The following PDE11A variants were observed in gnomAD, a reference collection of about 807,000 sequenced individuals.
PDE11A encodes the protein phosphodiesterase 11A.
PDE11A carries 100 observed loss-of-function variants against 100.5 expected under a neutral mutation model. The ratio of observed to expected loss-of-function variants is 1.00; its 90% CI spans 0.85 to 1.18. PDE11A has a LOEUF of 1.18. Ranked by LOEUF, PDE11A falls within the 50% of genes most tolerant of loss-of-function variation. The pLI, the probability that PDE11A is intolerant of heterozygous loss-of-function variation, is 0.00. For synonymous variants in PDE11A, 381 were observed against 420.8 expected (o/e 0.91, Z 1.16); for missense variants, 1,141 against 1,152.6 (o/e 0.99, Z 0.15).
Position 178,014,386 on chromosome 2 carries a change from T to G in PDE11A, c.987A>C (p.Arg329=), listed in dbSNP as rs1171111814. Residue 329 remains arginine, a synonymous_variant, in exon 2 of 20, where the codon CGA becomes CGC. Coordinates refer to ENST00000286063, the MANE Select transcript of PDE11A (RefSeq NM_016953.4). ...CACCAATAATCTCACCATCACTGCT[T>G]CGGATAGGCATGCACAATAATGATT... The part of the protein sequence containing the change: ...KTKSLLCMPI[R]SSDGEIIGVA... The G allele has an allele frequency of 1.9e-6, 3 of 1,612,136 alleles. No homozygotes were observed. The Admixed American group carries it at 5.0e-5, about 27-fold the overall frequency.
rs1456646535 is a variant in PDE11A, at chr2:177,631,560, T to C, written c.2647-1998A>G. 1.3e-3 allele frequency among the ~76,000 whole-genome samples: 51 copies of C among 38,466 alleles called. 4 individuals are homozygous for C. Among genetic ancestry groups the C allele is most frequent in the Non-Finnish European group, 1.7e-3 (37 of 21,330 alleles). 25.2% of individuals were successfully genotyped at this position (38,466 alleles called of 152,430 possible). A position where few individuals can be genotyped will look rare whatever the true frequency, so the allele number is the denominator to read the frequency against. On this transcript the variant is annotated intron_variant, in intron 19 of 19. Transcript: ENST00000286063. ...ATATATATATATACACATGTATATA[T>C]ATATATATACATGTATATATATATA...
intron 2 of PDE11A, among the ~76,000 whole-genome samples, chr2:177,913,058 A>G (rs1466860002): frequency 1.3e-5 from 2 of 152,212 alleles, no homozygotes; most frequent in Non-Finnish European, 2.9e-5. Flanking sequence ...TCATAATGTT[A>G]CTAAAAGTCA....
rs180741576 is a variant in PDE11A at position 177,723,588 on chromosome 2, G to A, written c.2043+4070C>T. On this transcript the variant is annotated intron_variant, in intron 12 of 19. Transcript: ENST00000286063. ...AAGAACAAGATTTCAAGCAATAATA[G>A]TTGTTCACCATTTTATAGCTTTTTT... Among the ~76,000 whole-genome samples, 7 of 152,216 alleles carry A rather than the reference G, an allele frequency of 4.6e-5. No homozygotes were observed. The East Asian group carries it at 1.4e-3, about 29-fold the overall frequency.
At chr2:177,759,664 C>G (rs1374852480) in intron 10 of PDE11A, among the ~76,000 whole-genome samples, 1 of 152,168 alleles carries the variant, frequency 6.6e-6, no homozygotes, top group Non-Finnish European at 1.5e-5. Flanking sequence ...GGCGAGATGT[C>G]AGAATAATGA....
intron 5 of PDE11A, among the ~76,000 whole-genome samples, chr2:177,867,189 T>C (rs1469406808): frequency 2.0e-5 from 3 of 152,166 alleles, no homozygotes; most frequent in Non-Finnish European, 4.4e-5. Context: ...GGACACACAA[T>C]AAAGTTGGCA....
chr2:177,690,620 A>T (rs1305236462), intron 15 of PDE11A, among the ~76,000 whole-genome samples: 3 of 152,228 alleles, frequency 2.0e-5, no homozygotes, highest in Non-Finnish European at 4.4e-5. Flanking sequence ...GCTTTCGAGA[A>T]ATGCTATTTA....
At chr2:177,761,478 G>A (rs1022759363) in intron 10 of PDE11A, among the ~76,000 whole-genome samples, 7 of 152,180 alleles carry the variant, frequency 4.6e-5, no homozygotes, top group African/African-American at 1.2e-4. Context: ...ATGGCTTTAG[G>A]TGATATAAGG....
chr2:177,950,251 C>G (rs187171012), intron 2 of PDE11A, among the ~76,000 whole-genome samples: 663 of 151,844 alleles, frequency 4.4e-3, no homozygotes, highest in Non-Finnish European at 5.4e-3. Flanking sequence ...TTTCCAGACT[C>G]TCCAGAGCTC....
At chr2:178,006,473 C>A (rs2086212350) in intron 2 of PDE11A, among the ~76,000 whole-genome samples, 1 of 152,074 alleles carries the variant, frequency 6.6e-6, no homozygotes, top group Non-Finnish European at 1.5e-5. Context: ...CCCTGGCAGG[C>A]AAATTTGCCT....
At chr2:178,067,707 T>C (rs2087066638) in intron 1 of PDE11A, among the ~76,000 whole-genome samples, 1 of 152,234 alleles carries the variant, frequency 6.6e-6, no homozygotes, top group South Asian at 2.1e-4. Context: ...TACTAGTTTT[T>C]TGTGGACAGT....
At chr2:178,062,336 G>GA (rs11333080) in intron 1 of PDE11A, among the ~76,000 whole-genome samples, 3,625 of 101,642 alleles carry the variant, frequency 0.036, 137 homozygotes, top group African/African-American at 0.11. Context: ...CCTGAAGACA[G>GA]AAAAAAAAAA....
At chr2:178,100,285 T>C (rs910332949) in intron 2 of PDE11A, among the ~76,000 whole-genome samples, 2 of 152,208 alleles carry the variant, frequency 1.3e-5, no homozygotes, top group Admixed American at 6.5e-5. Context: ...AAGATTATTA[T>C]AATCATGAGT....
intron 9 of PDE11A, among the ~76,000 whole-genome samples, chr2:177,810,316 T>C (rs976249816): frequency 2.6e-5 from 4 of 152,146 alleles, no homozygotes; most frequent in African/African-American, 7.2e-5. Context: ...TATAGAATAC[T>C]GAAAAGAATA....
chr2:177,816,799 A>G, intron 9 of PDE11A, 30 bp downstream of exon 9: 1 of 1,276,256 alleles, frequency 7.8e-7, no homozygotes, highest in Non-Finnish European at 1.1e-6. Flanking sequence ...AGCTGACAGC[A>G]TACAAACCTG....
chr2:177,945,747 C>T (rs1466229124), intron 2 of PDE11A, among the ~76,000 whole-genome samples: 4 of 151,264 alleles, frequency 2.6e-5, no homozygotes, highest in East Asian at 2.0e-4. Context: ...CAGCCCCCCG[C>T]CCGGCCAGCT....
At chr2:177,927,749 C>T (rs1033071577) in intron 2 of PDE11A, among the ~76,000 whole-genome samples, 9 of 152,186 alleles carry the variant, frequency 5.9e-5, no homozygotes, top group African/African-American at 2.2e-4. Flanking sequence ...TATCTCAAAT[C>T]TCTGACTTAT....
chr2:177,686,342 G>A (rs2080949210), intron 15 of PDE11A, among the ~76,000 whole-genome samples: 1 of 152,182 alleles, frequency 6.6e-6, no homozygotes, highest in South Asian at 2.1e-4. Context: ...CAAGGGAGGA[G>A]GATTGCTCAA....
chr2:177,994,386 G>A (rs942935490), intron 2 of PDE11A, among the ~76,000 whole-genome samples: 9 of 152,262 alleles, frequency 5.9e-5, no homozygotes, highest in African/African-American at 2.2e-4. Flanking sequence ...CTGTGTGTTG[G>A]ATAAACTCCC....
At chr2:177,777,501 G>T in intron 9 of PDE11A, among the ~76,000 whole-genome samples, 1 of 152,068 alleles carries the variant, frequency 6.6e-6, no homozygotes, top group East Asian at 1.9e-4. Context: ...TTAACAAATT[G>T]CAGAATCATA....
Sources: allele counts gnomAD v4.1 joint callset (sites outside exome capture counted in the v4.1 genomes callset), GRCh38; gene constraint gnomAD v4.1.1; transcripts MANE v1.5; gene names NCBI Gene and HGNC (gene_info 2026-07-23, HGNC 2026-07-21).